Variants in HYAL4 observed in about 807,000 individuals in gnomAD.
The protein encoded by HYAL4 is hyaluronidase 4, also known as hyaluronidase-4.
In HYAL4, 37 loss-of-function variants were observed where a neutral mutation model predicts 35.2. The observed-to-expected ratio is 1.05, with a 90% CI of 0.81 to 1.38. HYAL4 has a LOEUF of 1.38. Ranked by LOEUF, HYAL4 falls within the 40% of genes most tolerant of loss-of-function variation. The pLI is 0.00. For missense variants in HYAL4, 572 were observed against 572.4 expected (o/e 1.00, Z 0.01); for synonymous variants, 198 against 203.2 (o/e 0.97, Z 0.22).
intron 1 of HYAL4, among the ~76,000 whole-genome samples, chr7:123,835,813 C>T (rs909931644): frequency 1.3e-5 from 2 of 152,114 alleles, no homozygotes; most frequent in Non-Finnish European, 2.9e-5. Context: ...TTTTAAATTT[C>T]CTTCTTTATT....
chr7:123,841,429 G>A (rs755563754), upstream of HYAL4, among the ~76,000 whole-genome samples: 5 of 151,948 alleles, frequency 3.3e-5, no homozygotes, highest in African/African-American at 4.8e-5. Flanking sequence ...TTTTCATCAG[G>A]GATATTGGTT....
chr7:123,851,185 T>G (rs565387729), intron 2 of HYAL4, among the ~76,000 whole-genome samples: 1 of 152,358 alleles, frequency 6.6e-6, no homozygotes, highest in South Asian at 2.1e-4. Context: ...TATTTAATGA[T>G]CTTTTAAAAA....
the HYAL4 span, among the ~76,000 whole-genome samples, chr7:123,784,115 C>T: frequency 6.6e-6 from 1 of 152,044 alleles, no homozygotes; most frequent in East Asian, 1.9e-4. Flanking sequence ...CCTTCAGTTT[C>T]CCATCTGTAT....
chr7:123,829,007 T>C (rs1195708433), exon 1 of HYAL4: 4 of 152,658 alleles, frequency 2.6e-5, no homozygotes, highest in East Asian at 1.9e-4. Context: ...TGGGCCATTA[T>C]GCTGTGAATG....
chr7:123,825,450 T>G (rs1033342182), upstream of HYAL4, among the ~76,000 whole-genome samples: 2 of 152,104 alleles, frequency 1.3e-5, no homozygotes, highest in Admixed American at 6.6e-5. Context: ...AAAACTTTCA[T>G]AGTAAAATAG....
chr7:123,851,775 C>G (rs1806310527), intron 2 of HYAL4, among the ~76,000 whole-genome samples: 1 of 152,100 alleles, frequency 6.6e-6, no homozygotes, highest in Admixed American at 6.5e-5. Context: ...ATTGCTGGGT[C>G]AAGTGGTATT....
chr7:123,870,550 T>G (rs1584927272), intron 3 of HYAL4, among the ~76,000 whole-genome samples: 1 of 151,848 alleles, frequency 6.6e-6, no homozygotes, highest in South Asian at 2.1e-4. Context: ...GATCACAAGG[T>G]CAGGAGTTTA....
At position 123,877,357 on chromosome 7, in the gene HYAL4, G is replaced by A. The variant is rs1445099798; in HGVS notation, c.*202G>A. ...AAACCAGATCTGGGGTAAAGTCAAT[G>A]TACACTTCCTCCTTATTGGAATATT... On this transcript the variant is annotated 3_prime_UTR_variant, in exon 5 of 5. Coordinates refer to ENST00000223026, the MANE Select transcript of HYAL4 (RefSeq NM_012269.3). 4 of 510,846 alleles carry A rather than the reference G, an allele frequency of 7.8e-6. No individual in the cohort carries two copies. Among genetic ancestry groups the A allele is most frequent in the Admixed American group, 7.0e-5 (2 of 28,604 alleles). 31.6% of individuals were successfully genotyped at this position (510,846 alleles called of 1,614,324 possible).
At chr7:123,841,354 G>A (rs552704168), upstream of HYAL4, among the ~76,000 whole-genome samples, 2 of 152,096 alleles carry the variant, frequency 1.3e-5, no homozygotes, top group South Asian at 2.1e-4. Flanking sequence ...ATCCGTGATG[G>A]ATAAGCTTTT....
At chr7:123,858,653 G>T (rs1806511703) in intron 2 of HYAL4, among the ~76,000 whole-genome samples, 1 of 152,122 alleles carries the variant, frequency 6.6e-6, no homozygotes, top group Admixed American at 6.6e-5. Context: ...TGAGACTTTA[G>T]TTGATAAGAA....
In HYAL4 at chr7:123,859,246, A is replaced by G. The variant is rs577017325; in HGVS notation, c.-51-8977A>G. 1.2e-4 allele frequency among the ~76,000 whole-genome samples: 18 copies of G among 152,260 alleles called. No individual in the cohort carries two copies. In the East Asian group the frequency reaches 2.9e-3, roughly 24 times the overall value. ...AAGAACAATCATTTTTTCATATCCA[A>G]TTTCTCCACATACTTTTATCTGTTG... On this transcript the variant is annotated intron_variant, in intron 2 of 4. Transcript: ENST00000223026.
upstream of HYAL4, among the ~76,000 whole-genome samples, chr7:123,828,441 C>CACAG (rs1240032304): frequency 2.7e-5 from 4 of 150,344 alleles, no homozygotes; most frequent in Non-Finnish European, 5.9e-5. Context: ...CACACACACA[C>CACAG]ACACACACAC....
At chr7:123,821,025 C>T in the HYAL4 span, among the ~76,000 whole-genome samples, 113 of 152,156 alleles carry the variant, frequency 7.4e-4, no homozygotes, top group Non-Finnish European at 7.2e-4. Context: ...ATGTATATAC[C>T]GAATTATCCT....
chr7:123,768,324 C>T, the HYAL4 span, among the ~76,000 whole-genome samples: 1 of 152,150 alleles, frequency 6.6e-6, no homozygotes, highest in Non-Finnish European at 1.5e-5. Context: ...ACTTTATTTA[C>T]ATGGGTTTGG....
the HYAL4 span, among the ~76,000 whole-genome samples, chr7:123,789,482 G>A: frequency 6.6e-6 from 1 of 152,142 alleles, no homozygotes; most frequent in Non-Finnish European, 1.5e-5. Context: ...TCAAACAATA[G>A]TGAATAGTCA....
At chr7:123,806,724 T>C in the HYAL4 span, among the ~76,000 whole-genome samples, 142 of 152,166 alleles carry the variant, frequency 9.3e-4, no homozygotes, top group Non-Finnish European at 1.7e-3. Flanking sequence ...AGTGCTGAGA[T>C]TACAGGCATG....
chr7:123,763,982 A>G, the HYAL4 span, among the ~76,000 whole-genome samples: 3 of 152,042 alleles, frequency 2.0e-5, no homozygotes, highest in East Asian at 3.9e-4. Flanking sequence ...CCTTCAATAA[A>G]TTAGTTTGTT....
chr7:123,765,145 A>G, the HYAL4 span, among the ~76,000 whole-genome samples: 1 of 152,314 alleles, frequency 6.6e-6, no homozygotes, highest in East Asian at 1.9e-4. Context: ...AGAAAAATAT[A>G]TTTCTGGAAG....
chr7:123,826,649 A>T (rs1200824334), upstream of HYAL4, among the ~76,000 whole-genome samples: 1 of 152,164 alleles, frequency 6.6e-6, no homozygotes, highest in Non-Finnish European at 1.5e-5. Flanking sequence ...TTTAATCTGT[A>T]AAAAACTAGG....
Sources: gnomAD v4.1 joint callset for allele counts (sites outside exome capture counted in the v4.1 genomes callset) on GRCh38, gnomAD v4.1.1 for gene constraint, MANE v1.5 for transcripts, NCBI Gene and HGNC (gene_info 2026-07-23, HGNC 2026-07-21) for gene names.